MMP26: variants seen among roughly 807,000 people sequenced by gnomAD.
The protein encoded by MMP26 is matrix metalloproteinase-26.
In MMP26, 33 loss-of-function variants were observed where a neutral mutation model predicts 31.0. That is an observed-to-expected ratio of 1.06 (90% CI 0.81 to 1.42). MMP26 has a LOEUF of 1.42. Among genes scored for constraint, MMP26 ranks in the 40% most tolerant of loss-of-function variants. MMP26 has a pLI of 0.00. For missense variants in MMP26, 347 were observed against 316.1 expected, an observed-to-expected ratio of 1.10 and a Z score of -0.74; for synonymous variants, 122 against 114.9, an observed-to-expected ratio of 1.06 and a Z score of -0.40.
chr11:4,871,774 G>T (rs1295838317), intron 2 of MMP26: 3 of 152,204 alleles, frequency 2.0e-5, no homozygotes, highest in African/African-American at 7.2e-5. Context: ...CCTGAGAAGT[G>T]CTTTCTTTGA....
At chr11:4,882,232 G>T (rs1353123425) in intron 2 of MMP26, 1 of 1,613,944 alleles carries the variant, frequency 6.2e-7, no homozygotes, top group South Asian at 1.1e-5. Flanking sequence ...CTTTCTCCTT[G>T]CTGGAGTCCT....
chr11:4,843,870 T>A (rs1254553340), intron 2 of MMP26, among the ~76,000 whole-genome samples: 1 of 152,206 alleles, frequency 6.6e-6, no homozygotes, highest in Non-Finnish European at 1.5e-5. Flanking sequence ...ATAAGCTCTT[T>A]GTTCATGCAT....
At position 4,774,626 on chromosome 11, in the gene MMP26, A is replaced by C. The variant is rs1240467206; in HGVS notation, c.-145+7285A>C. On this transcript the variant is annotated intron_variant, in intron 2 of 7. Coordinates refer to ENST00000380390, the MANE Select transcript of MMP26 (RefSeq NM_021801.5). ...TTCTTTTGCTGTGCAGAAGCTCTTT[A>C]GTTTAATTAGATCCTGTTTGTCAAT... Among the ~76,000 whole-genome samples, 3 of 152,184 alleles carry C rather than the reference A, an allele frequency of 2.0e-5. No individual in the cohort carries two copies. The East Asian group carries it at 5.8e-4, about 29-fold the overall frequency.
At chr11:4,708,540 A>AT (rs1351368513) in intron 1 of MMP26, among the ~76,000 whole-genome samples, 1 of 152,172 alleles carries the variant, frequency 6.6e-6, no homozygotes, top group South Asian at 2.1e-4. Context: ...TAGGTATTTA[A>AT]TTTTTTTGAG....
At position 4,786,318 on chromosome 11, in the gene MMP26, A is replaced by G. The variant is rs16938619; in HGVS notation, c.-145+18977A>G. 3.3e-3 allele frequency among the ~76,000 whole-genome samples: 496 copies of G among 152,138 alleles called. 5 individuals are homozygous for G. In the East Asian group the frequency reaches 0.039, roughly 12 times the overall value. On this transcript the variant is annotated intron_variant, in intron 2 of 7. Coordinates refer to ENST00000380390, the MANE Select transcript of MMP26 (RefSeq NM_021801.5). ...AACTGCAACTCAGAATTTAATGCCA[A>G]TCCTCCCTCCAAAATCTTGGAGACT...
intron 1 of MMP26, chr11:4,719,156 T>C (rs536084906): frequency 6.4e-6 from 1 of 155,510 alleles, no homozygotes; most frequent in Admixed American, 6.5e-5. Flanking sequence ...TCCTATTGCT[T>C]TTACCCTGAT....
chr11:4,799,304 A>G (rs921347014), intron 2 of MMP26, among the ~76,000 whole-genome samples: 9 of 152,154 alleles, frequency 5.9e-5, no homozygotes, highest in Non-Finnish European at 2.9e-5. Flanking sequence ...GATGCTTGCA[A>G]TCATGGTGGA....
intron 2 of MMP26, chr11:4,915,053 C>T (rs1335585717): frequency 3.7e-6 from 6 of 1,614,030 alleles, no homozygotes; most frequent in African/African-American, 1.3e-5. Context: ...GACAAACATG[C>T]CGTAGATGCT....
intron 5 of MMP26, 83 bp downstream of exon 5, chr11:4,990,829 C>A (rs570197936): frequency 5.0e-6 from 7 of 1,404,286 alleles, no homozygotes; most frequent in Non-Finnish European, 5.7e-6. Flanking sequence ...AAAAACCTAG[C>A]CCCCCTATTA....
rs73401089 is a variant in MMP26 at position 4,799,322 on chromosome 11, G to C, written c.-145+31981G>C. On this transcript the variant is annotated intron_variant, in intron 2 of 7. Coordinates refer to ENST00000380390, the MANE Select transcript of MMP26 (RefSeq NM_021801.5). Reference sequence around the variant, plus strand: ...GCTTGCAATCATGGTGGAAGGCAAAGAGAGAGCTGGCACATCACATGGTAA... The same window carrying C: ...GCTTGCAATCATGGTGGAAGGCAAACAGAGAGCTGGCACATCACATGGTAA... Among the ~76,000 whole-genome samples the C allele has an allele frequency of 4.2e-3, 637 of 152,128 alleles. 4 individuals are homozygous for C. The highest frequency in any genetic ancestry group is 0.014 in the African/African-American group (573 of 41,458).
At chr11:4,876,256 A>G (rs1850377544) in intron 2 of MMP26, 1 of 152,160 alleles carries the variant, frequency 6.6e-6, no homozygotes, top group Admixed American at 6.5e-5. Flanking sequence ...AAGACAGGTA[A>G]CTTCTTGATA....
rs539863971 is a variant in MMP26 at position 4,963,328 on chromosome 11, C to T, written c.-144-24740C>T. On this transcript the variant is annotated intron_variant, in intron 2 of 7. Transcript: ENST00000380390. ...TACTGCCCAAAGTAATTTATAGATT[C>T]AATGCTATCCCCATCAAGCTACCAT... 5.9e-5 allele frequency among the ~76,000 whole-genome samples: 9 copies of T among 152,274 alleles called. No homozygotes were observed. The East Asian group carries it at 1.7e-3, about 29-fold the overall frequency.
chr11:4,798,135 T>G lies in MMP26; in HGVS notation c.-145+30794T>G, dbSNP rs957481530. On this transcript the variant is annotated intron_variant, in intron 2 of 7. Coordinates refer to ENST00000380390, the MANE Select transcript of MMP26 (RefSeq NM_021801.5). ...AATCTCTTTTACGACGGCCCATACT[T>G]AAGATAGACATGTTGAGAACTGGAA... Among the ~76,000 whole-genome samples, 49 of 152,202 alleles carry G rather than the reference T, an allele frequency of 3.2e-4. 2 individuals are homozygous for G. The highest frequency in any genetic ancestry group is 1.5e-5 in the Non-Finnish European group (1 of 68,036).
intron 4 of MMP26, 35 bp from the exon 5 acceptor site, chr11:4,990,562 CT>C: frequency 6.3e-7 from 1 of 1,585,530 alleles, no homozygotes; most frequent in Non-Finnish European, 8.6e-7. Context: ...ATTCCCATTC[CT>C]CTGAACTATT....
chr11:4,866,634 T>G (rs1811333163), intron 2 of MMP26, among the ~76,000 whole-genome samples: 1 of 152,154 alleles, frequency 6.6e-6, no homozygotes, highest in Middle Eastern at 3.2e-3. Context: ...AAGGCAATCT[T>G]AAGCAAAAAG....
intron 2 of MMP26, among the ~76,000 whole-genome samples, chr11:4,858,847 C>T (rs1850098753): frequency 6.6e-6 from 1 of 152,144 alleles, no homozygotes; most frequent in Non-Finnish European, 1.5e-5. Context: ...GTAACCAAAA[C>T]AGCATGGTAC....
chr11:4,983,986 A>G (rs1437422116), intron 2 of MMP26, among the ~76,000 whole-genome samples: 3 of 152,184 alleles, frequency 2.0e-5, no homozygotes, highest in Admixed American at 2.0e-4. Context: ...CTGAATCGTT[A>G]ATAAGTCACT....
At chr11:4,865,365 T>C (rs1214502772) in intron 2 of MMP26, among the ~76,000 whole-genome samples, 5 of 152,066 alleles carry the variant, frequency 3.3e-5, no homozygotes, top group Admixed American at 2.6e-4. Context: ...CTCTAAAGCA[T>C]GAAAAATAAT....
chr11:4,821,807 G>C (rs778675282), intron 2 of MMP26: 2 of 1,613,026 alleles, frequency 1.2e-6, no homozygotes, highest in East Asian at 4.5e-5. Flanking sequence ...GTGGCCATCT[G>C]TTACCCACTG....
Sources: allele counts gnomAD v4.1 joint callset (sites outside exome capture counted in the v4.1 genomes callset), GRCh38; gene constraint gnomAD v4.1.1; transcripts MANE v1.5; gene names NCBI Gene and HGNC (gene_info 2026-07-23, HGNC 2026-07-21).